Variants in TTBK2 observed in about 807,000 individuals in gnomAD.
TTBK2 encodes tau tubulin kinase 2.
A neutral mutation model predicts 110.8 loss-of-function variants in TTBK2; 28 were observed. That is an observed-to-expected ratio of 0.25 (90% CI 0.19 to 0.35). The LOEUF is 0.35. Ranked by LOEUF, TTBK2 falls within the 10% of genes least tolerant of loss-of-function variation. TTBK2 has a pLI of 1.00. For synonymous variants in TTBK2, 532 were observed against 527.3 expected, an observed-to-expected ratio of 1.01 and a Z score of -0.12; for missense variants, 1,369 against 1,500.3, an observed-to-expected ratio of 0.91 and a Z score of 1.45.
intron 13 of TTBK2, among the ~76,000 whole-genome samples, chr15:42,756,447 G>A (rs1372662759): frequency 1.3e-5 from 2 of 151,818 alleles, no homozygotes; most frequent in East Asian, 2.0e-4. Context: ...TTAGCTGGGG[G>A]TGATGGCGGG....
chr15:42,776,458 C>T (rs1286758348), intron 12 of TTBK2, among the ~76,000 whole-genome samples: 2 of 152,160 alleles, frequency 1.3e-5, no homozygotes, highest in Non-Finnish European at 2.9e-5. Context: ...CAATCTTTAC[C>T]TATGTATATA....
At chr15:42,886,409 A>C (rs1229156835) in intron 1 of TTBK2, among the ~76,000 whole-genome samples, 1 of 151,848 alleles carries the variant, frequency 6.6e-6, no homozygotes, top group Non-Finnish European at 1.5e-5. Flanking sequence ...TCTTTATCTG[A>C]CCTCTCCCAA....
intron 3 of TTBK2, among the ~76,000 whole-genome samples, chr15:42,854,647 GA>G (rs11347978): frequency 0.047 from 5,743 of 121,730 alleles, 195 homozygotes; most frequent in African/African-American, 0.11. Flanking sequence ...ATATGCAAGA[GA>G]AAAAAAAAAA....
intron 9 of TTBK2, among the ~76,000 whole-genome samples, chr15:42,795,397 G>C (rs1322451896): frequency 6.6e-6 from 1 of 150,938 alleles, no homozygotes; most frequent in Non-Finnish European, 1.5e-5. Flanking sequence ...TTCATTTTTT[G>C]TCTTTCAATT....
At chr15:42,767,518 T>C (rs538542525) in intron 13 of TTBK2, among the ~76,000 whole-genome samples, 1 of 152,024 alleles carries the variant, frequency 6.6e-6, no homozygotes, top group Non-Finnish European at 1.5e-5. Context: ...CTAGAAGAAA[T>C]GGATAAATTC....
intron 13 of TTBK2, among the ~76,000 whole-genome samples, chr15:42,756,083 G>A (rs2061941466): frequency 6.6e-6 from 1 of 151,884 alleles, no homozygotes; most frequent in African/African-American, 2.4e-5. Flanking sequence ...TGTAATCCCA[G>A]CTTCTCGGGA....
intron 9 of TTBK2, among the ~76,000 whole-genome samples, chr15:42,795,729 G>A (rs1271333093): frequency 1.3e-5 from 2 of 151,554 alleles, no homozygotes; most frequent in Non-Finnish European, 2.9e-5. Flanking sequence ...TGTAATCCCA[G>A]CTACTCAGGA....
intron 2 of TTBK2, among the ~76,000 whole-genome samples, chr15:42,873,350 CT>C (rs1894687789): frequency 6.6e-6 from 1 of 152,102 alleles, no homozygotes; most frequent in South Asian, 2.1e-4. Flanking sequence ...AGGAGAATTG[CT>C]TGAACCCAGG....
At chr15:42,840,155 C>T (rs969910980) in intron 4 of TTBK2, among the ~76,000 whole-genome samples, 3 of 152,142 alleles carry the variant, frequency 2.0e-5, no homozygotes, top group African/African-American at 7.2e-5. Context: ...AGTAAAGATA[C>T]AGGTCAACTC....
chr15:42,768,537 G>A (rs978580297), intron 13 of TTBK2, among the ~76,000 whole-genome samples: 3 of 152,060 alleles, frequency 2.0e-5, no homozygotes, highest in Non-Finnish European at 2.9e-5. Flanking sequence ...AAATACCTAG[G>A]AATCCAACTT....
intron 1 of TTBK2, among the ~76,000 whole-genome samples, chr15:42,891,610 T>G (rs1415440468): frequency 6.6e-6 from 1 of 152,144 alleles, no homozygotes; most frequent in Non-Finnish European, 1.5e-5. Context: ...GAGGGTGGTG[T>G]ACCCTGGCTC....
rs56039839 is a variant in TTBK2, at chr15:42,775,634, C to G, written c.1499G>C (p.Arg500Pro). The G allele has an allele frequency of 1.7e-3, 2,811 of 1,613,336 alleles. 51 individuals are homozygous for G. In the African/African-American group the frequency reaches 0.034, roughly 20 times the overall value. ...LHKPCVPAVS[R>P]TDHIWHYDEE... Reference sequence around the variant, plus strand: ...ATCATAGTGCCAGATGTGGTCAGTACGGGACACAGCAGGAACGCAAGGCTT... The same window carrying G: ...ATCATAGTGCCAGATGTGGTCAGTAGGGGACACAGCAGGAACGCAAGGCTT... Residue 500 changes from arginine to proline, a missense_variant, in exon 13 of 15, where the codon CGT (arginine) becomes CCT (proline). Arg to Pro is a moderately radical substitution (Grantham distance 103). Coordinates refer to ENST00000267890, the MANE Select transcript of TTBK2 (RefSeq NM_173500.4).
In TTBK2 at chr15:42,775,297, T is replaced by G; in HGVS notation, c.1836A>C (p.Glu612Asp). Residue 612 changes from glutamate to aspartate, a missense_variant, in exon 13 of 15, where the codon GAA (glutamate) becomes GAC (aspartate). By Grantham distance (45) the Glu-to-Asp change is conservative. This residue lies in a region of TTBK2 where 1,097 missense variants were observed against 1,114.7 expected (regional missense o/e 0.98). Coordinates refer to ENST00000267890, the MANE Select transcript of TTBK2 (RefSeq NM_173500.4). The part of the protein sequence containing the change: ...PWAENDHLKK[E>D]TSGVVLALSA... ...AAAGTGCTAAGACCACACCTGAGGTTTCCTTCTTTAAATGATCATTTTCTG... is the reference window on the plus strand; with the variant it reads ...AAAGTGCTAAGACCACACCTGAGGTGTCCTTCTTTAAATGATCATTTTCTG... The G allele has an allele frequency of 6.2e-7, 1 of 1,614,166 alleles. No homozygotes were observed. The highest frequency in any genetic ancestry group is 8.5e-7 in the Non-Finnish European group (1 of 1,180,036).
intron 1 of TTBK2, among the ~76,000 whole-genome samples, chr15:42,915,871 C>T (rs569617386): frequency 1.3e-5 from 2 of 152,042 alleles, no homozygotes; most frequent in South Asian, 4.2e-4. Context: ...TGCCTGATCC[C>T]AGGAGGTCAA....
chr15:42,919,102 T>G (rs916477214), intron 1 of TTBK2, among the ~76,000 whole-genome samples: 2 of 152,230 alleles, frequency 1.3e-5, no homozygotes, highest in South Asian at 4.1e-4. Context: ...TTCGGTGTCT[T>G]GATAAAATGT....
rs573191416 is a variant in TTBK2 at position 42,827,125 on chromosome 15, C to T, written c.537+803G>A. On this transcript the variant is annotated intron_variant, in intron 6 of 14. Transcript: ENST00000267890. ...GGCCAAGGAAAGAGCAGAAGTGAGC[C>T]TTACTGGTACCACTACCATCACAGT... 3.9e-5 allele frequency among the ~76,000 whole-genome samples: 6 copies of T among 152,270 alleles called. No individual in the cohort carries two copies. The South Asian group carries it at 1.2e-3, about 32-fold the overall frequency.
intron 3 of TTBK2, among the ~76,000 whole-genome samples, chr15:42,872,343 G>C (rs1423095726): frequency 6.6e-6 from 1 of 152,106 alleles, no homozygotes; most frequent in Non-Finnish European, 1.5e-5. Context: ...ACTTTCCGAA[G>C]CAGTAAAAAT....
intron 9 of TTBK2, among the ~76,000 whole-genome samples, chr15:42,799,906 A>G (rs1017220958): frequency 1.3e-5 from 2 of 152,028 alleles, no homozygotes; most frequent in African/African-American, 4.8e-5. Flanking sequence ...ATTACAGCCT[A>G]GGCAACACGG....
Position 42,833,247 on chromosome 15 carries a change from TAAAAAAAAAAAAA to T in TTBK2, c.292-3182_292-3170del, listed in dbSNP as rs35997543. Among the ~76,000 whole-genome samples, 4 of 74,870 alleles carry T rather than the reference TAAAAAAAAAAAAA, an allele frequency of 5.3e-5. No individual in the cohort carries two copies. In the South Asian group the frequency reaches 1.9e-3, roughly 35 times the overall value. 49.1% of individuals were successfully genotyped at this position (74,870 alleles called of 152,430 possible). A position where few individuals can be genotyped will look rare whatever the true frequency, so the allele number is the denominator to read the frequency against. On this transcript the variant is annotated intron_variant, in intron 4 of 14. Transcript: ENST00000267890. ...AAATGTCACAAGCCACCAAATTTTG[TAAAAAAAAAAAAA>T]AAAAAAAAAGGAAGAGGACTATATA...
Sources: gnomAD v4.1 joint callset for allele counts (sites outside exome capture counted in the v4.1 genomes callset) on GRCh38, gnomAD v4.1.1 for gene constraint, gnomAD v4.1.1 regional missense constraint, MANE v1.5 for transcripts, NCBI Gene and HGNC (gene_info 2026-07-23, HGNC 2026-07-21) for gene names.